The following WNK1 variants were observed in gnomAD, a reference collection of about 807,000 sequenced individuals.
WNK1 encodes serine/threonine-protein kinase WNK1.
Under a neutral mutation model 222.8 loss-of-function variants are expected in WNK1, and 38 were observed. The ratio of observed to expected loss-of-function variants is 0.17; its 90% CI spans 0.13 to 0.22. The LOEUF (loss-of-function observed/expected upper bound fraction) is 0.22. Among genes scored for constraint, WNK1 ranks in the 10% least tolerant of loss-of-function variants. The pLI, the probability that WNK1 is intolerant of heterozygous loss-of-function variation, is 1.00. For missense variants in WNK1, 2,348 were observed against 2,918.4 expected (o/e 0.80, Z 4.50); for synonymous variants, 1,090 against 1,092.9 (o/e 1.00, Z 0.05).
chr12:909,127 C>G lies in WNK1; in HGVS notation c.*335C>G, dbSNP rs2154104922. On this transcript the variant is annotated 3_prime_UTR_variant, in exon 28 of 28. Transcript: ENST00000315939. ...CTGGAGAACTCAATGTAAAATCAAA[C>G]CCATCTGTAATTTCGAGTGGGTGGA... 1 of 314,968 alleles carries G rather than the reference C, an allele frequency of 3.2e-6. No individual in the cohort carries two copies. Among genetic ancestry groups the G allele is most frequent in the East Asian group, 7.5e-5 (1 of 13,258 alleles). The allele number at this position is 314,968 out of a possible 1,614,324, so 19.5% of individuals were successfully genotyped here.
chr12:778,637 C>CTT (rs397849845), intron 1 of WNK1, among the ~76,000 whole-genome samples: 61 of 136,558 alleles, frequency 4.5e-4, no homozygotes, highest in Admixed American at 8.1e-4. Context: ...GGCCAATGAT[C>CTT]TTTTTTTTTT....
chr12:886,995 A>C (rs769856414), intron 19 of WNK1, among the ~76,000 whole-genome samples: 5 of 152,146 alleles, frequency 3.3e-5, no homozygotes, highest in Non-Finnish European at 7.4e-5. Flanking sequence ...ACTGTATTTT[A>C]CTATTCATTT....
chr12:820,138 T>C (rs1394837023), intron 2 of WNK1, among the ~76,000 whole-genome samples: 2 of 152,254 alleles, frequency 1.3e-5, no homozygotes, highest in Non-Finnish European at 1.5e-5. Flanking sequence ...GTTGAATCTG[T>C]AGATCATTTT....
chr12:836,871 C>T (rs4980969), intron 4 of WNK1, among the ~76,000 whole-genome samples: 97,038 of 152,042 alleles, frequency 0.64, 31,845 homozygotes, highest in East Asian at 0.87. Context: ...CATGGCATAA[C>T]GTGCCAAGTC....
At chr12:822,005 T>G (rs1947922831) in intron 2 of WNK1, among the ~76,000 whole-genome samples, 1 of 151,960 alleles carries the variant, frequency 6.6e-6, no homozygotes. Flanking sequence ...ATCTCTGTTT[T>G]TGGTAGGAGA....
chr12:862,624 T>TA (rs1951304477), intron 8 of WNK1, among the ~76,000 whole-genome samples: 1 of 152,222 alleles, frequency 6.6e-6, no homozygotes, highest in African/African-American at 2.4e-5. Context: ...GTTAAAATGA[T>TA]TACTAAGTAT....
At chr12:777,961 C>T (rs75269361) in intron 1 of WNK1, among the ~76,000 whole-genome samples, 10,367 of 152,174 alleles carry the variant, frequency 0.068, 417 homozygotes, top group African/African-American at 0.087. Flanking sequence ...GCAGTGGATG[C>T]CTTGTTACTT....
chr12:769,354 A>G (rs937609541), intron 1 of WNK1, among the ~76,000 whole-genome samples: 1 of 151,702 alleles, frequency 6.6e-6, no homozygotes, highest in African/African-American at 2.4e-5. Context: ...GCATGCCACC[A>G]CGACCGGCTA....
chr12:814,109 A>C (rs1195146781), intron 2 of WNK1, among the ~76,000 whole-genome samples: 1 of 151,110 alleles, frequency 6.6e-6, no homozygotes, highest in Non-Finnish European at 1.5e-5. Context: ...AGGTTGGATC[A>C]CCTGAGGTCA....
chr12:904,303 CTA>C (rs1955518426), intron 26 of WNK1: 1 of 457,708 alleles, frequency 2.2e-6, no homozygotes, highest in Non-Finnish European at 4.0e-6. Context: ...TTCTGTAGAA[CTA>C]TATCTGTTCA....
rs1946546313 is a variant in WNK1 at position 808,029 on chromosome 12, ATTC to A, written c.760-5608_760-5606del. ...CCACCGCGCCCGGCCGGGAGCAATA[ATTC>A]TTCTATTATTATTCTCATTCACATT... is the stretch of plus-strand genomic sequence containing the variant. On this transcript the variant is annotated intron_variant, in intron 1 of 27. Transcript: ENST00000315939. Among the ~76,000 whole-genome samples the A allele has an allele frequency of 2.0e-5, 3 of 151,714 alleles. No homozygotes were observed. The South Asian group carries it at 6.3e-4, about 32-fold the overall frequency.
intron 4 of WNK1, among the ~76,000 whole-genome samples, chr12:832,750 C>T (rs1434653191): frequency 1.3e-5 from 2 of 152,172 alleles, no homozygotes; most frequent in Non-Finnish European, 1.5e-5. Flanking sequence ...AATTTATTAA[C>T]CTCTTCTTAA....
intron 1 of WNK1, 108 bp downstream of exon 1, chr12:754,432 A>C: frequency 1.4e-6 from 2 of 1,472,474 alleles, no homozygotes; most frequent in African/African-American, 1.4e-5. Flanking sequence ...TTGGACTCCG[A>C]GTGGGACGGG....
chr12:854,477 C>T lies in WNK1; in HGVS notation c.1312-2684C>T, dbSNP rs956812675. On this transcript the variant is annotated intron_variant, in intron 4 of 27. Transcript: ENST00000315939. Reference sequence around the variant, plus strand: ...GGTTCAAGCGATTCTCCTGCCTCAGCCTCCCAAGTAGCTGGGATTACAGGC... The same window carrying T: ...GGTTCAAGCGATTCTCCTGCCTCAGTCTCCCAAGTAGCTGGGATTACAGGC... 2.0e-5 allele frequency among the ~76,000 whole-genome samples: 3 copies of T among 149,816 alleles called. No homozygotes were observed. The Admixed American group carries it at 2.0e-4, about 10-fold the overall frequency.
intron 1 of WNK1, among the ~76,000 whole-genome samples, chr12:779,659 C>T (rs1457784431): frequency 1.3e-5 from 2 of 152,284 alleles, no homozygotes; most frequent in Non-Finnish European, 2.9e-5. Flanking sequence ...GCCTCACCCT[C>T]CCAAAGTGCT....
chr12:862,555 A>G (rs1055577834), intron 8 of WNK1, among the ~76,000 whole-genome samples: 4 of 152,278 alleles, frequency 2.6e-5, no homozygotes, highest in Non-Finnish European at 5.9e-5. Flanking sequence ...ATTCACAGCA[A>G]CAAAAGCTGG....
chr12:797,328 T>G (rs1421988924), intron 1 of WNK1, among the ~76,000 whole-genome samples: 1 of 152,214 alleles, frequency 6.6e-6, no homozygotes, highest in Non-Finnish European at 1.5e-5. Flanking sequence ...AGCTAGAGTT[T>G]AGTAACATTT....
rs554562460 is a variant in WNK1, at chr12:753,522, G to A, written c.-44G>A. On this transcript the variant is annotated 5_prime_UTR_variant, in exon 1 of 28. Transcript: ENST00000315939. This position sits in a 1 kb window ranked among gnomAD's most constrained non-coding sequence, Gnocchi z 5.2. ...CGGCTCGGCCCTTCACGCCCTTTTC[G>A]TTCACGAATCCGAGCCCGCTCGCCT... is the stretch of plus-strand genomic sequence containing the variant. The A allele has an allele frequency of 8.1e-6, 13 of 1,610,170 alleles. No individual in the cohort carries two copies. In the Admixed American group the frequency reaches 1.7e-4, roughly 21 times the overall value.
rs768535371 is a variant in WNK1, at chr12:896,212, C to G, written c.5725C>G (p.Pro1909Ala). 2 of 1,614,204 alleles carry G rather than the reference C, an allele frequency of 1.2e-6. No individual in the cohort carries two copies. The highest frequency in any genetic ancestry group is 2.2e-5 in the South Asian group (2 of 91,084). The change falls in exon 24 of 28, where the codon CCG becomes GCG. Residue 1909 changes from proline (P) to alanine (A), a missense_variant. Around this residue, in one of 13 missense-constraint regions of WNK1, gnomAD observed 1,144 missense variants for 1,273.6 expected, o/e 0.90. Transcript: ENST00000315939. ...AGAGAGTACCTTGGTGAAACCAGAG[C>G]CGAATGGCATAACCATCCCTGGTAT... is the stretch of plus-strand genomic sequence containing the variant. ...SPESTLVKPE[P>A]NGITIPGISS... is the part of the protein sequence containing the mutation.
Sources: allele counts gnomAD v4.1 joint callset (sites outside exome capture counted in the v4.1 genomes callset), GRCh38; gene constraint gnomAD v4.1.1; regional missense constraint gnomAD v4.1.1; non-coding constraint Gnocchi (gnomAD v3.1); transcripts MANE v1.5; gene names NCBI Gene and HGNC (gene_info 2026-07-23, HGNC 2026-07-21).